The following BRINP3 variants were observed in gnomAD, a reference collection of about 807,000 sequenced individuals.
BRINP3 encodes BMP/retinoic acid-inducible neural-specific protein 3.
A neutral mutation model predicts 71.0 loss-of-function variants in BRINP3; 19 were observed. That is an observed-to-expected ratio of 0.27 (90% CI 0.19 to 0.39). The LOEUF is 0.39. Among genes scored for constraint, BRINP3 ranks in the 10% least tolerant of loss-of-function variants. The pLI, the probability that BRINP3 is intolerant of heterozygous loss-of-function variation, is 1.00. For synonymous variants in BRINP3, 380 were observed against 337.7 expected (o/e 1.13, Z -1.37); for missense variants, 959 against 940.8 (o/e 1.02, Z -0.25).
At chr1:190,138,020 G>T (rs1313756401) in intron 7 of BRINP3, among the ~76,000 whole-genome samples, 1 of 151,678 alleles carries the variant, frequency 6.6e-6, no homozygotes, top group Non-Finnish European at 1.5e-5. Context: ...AATGGCATGA[G>T]CTCGGCTCAC....
intron 3 of BRINP3, among the ~76,000 whole-genome samples, chr1:190,275,354 A>T (rs1325396088): frequency 6.6e-6 from 1 of 151,644 alleles, no homozygotes; most frequent in Non-Finnish European, 1.5e-5. Context: ...CAGATACTTT[A>T]AACAGTGTTG....
chr1:190,419,842 G>GA (rs1673253015), intron 2 of BRINP3, among the ~76,000 whole-genome samples: 2 of 148,726 alleles, frequency 1.3e-5, no homozygotes, highest in African/African-American at 4.9e-5. Context: ...TTAACTAGAA[G>GA]AAAAAAAGAA....
chr1:190,328,096 A>C (rs1038919579), intron 2 of BRINP3, among the ~76,000 whole-genome samples: 2 of 152,110 alleles, frequency 1.3e-5, no homozygotes, highest in Admixed American at 6.6e-5. Context: ...AAATGCCTAC[A>C]TCAAAAAGTT....
chr1:190,434,116 T>TTTTA (rs1000940670), intron 2 of BRINP3, among the ~76,000 whole-genome samples: 1 of 148,136 alleles, frequency 6.8e-6, no homozygotes, highest in Non-Finnish European at 1.5e-5. Context: ...ATTTATTTAT[T>TTTTA]TTTATTTATT....
At chr1:190,268,761 T>C (rs1302974735) in intron 3 of BRINP3, among the ~76,000 whole-genome samples, 1 of 152,026 alleles carries the variant, frequency 6.6e-6, no homozygotes, top group Non-Finnish European at 1.5e-5. Flanking sequence ...CACACGAATA[T>C]TATCTAAGCA....
intron 7 of BRINP3, among the ~76,000 whole-genome samples, chr1:190,100,201 TACAC>T (rs1396802886): frequency 3.3e-5 from 5 of 152,212 alleles, no homozygotes; most frequent in African/African-American, 1.2e-4. Context: ...TCACAGTAGA[TACAC>T]AACAATTCCA....
At chr1:190,179,363 C>T (rs1571922271) in intron 6 of BRINP3, among the ~76,000 whole-genome samples, 1 of 152,094 alleles carries the variant, frequency 6.6e-6, no homozygotes, top group East Asian at 1.9e-4. Context: ...TTGACAGTCA[C>T]ATGGGAAGTT....
chr1:190,136,120 T>C (rs1341929761), intron 7 of BRINP3, among the ~76,000 whole-genome samples: 2 of 152,036 alleles, frequency 1.3e-5, no homozygotes, highest in East Asian at 3.8e-4. Flanking sequence ...GATAAAAAAA[T>C]ATTTCATGAG....
intron 7 of BRINP3, among the ~76,000 whole-genome samples, chr1:190,123,120 A>G (rs1476796541): frequency 1.3e-5 from 2 of 152,134 alleles, no homozygotes; most frequent in Admixed American, 6.6e-5. Context: ...CACCTGTATA[A>G]TTGTTCGCCC....
intron 2 of BRINP3, among the ~76,000 whole-genome samples, chr1:190,398,073 T>C (rs1671692368): frequency 6.6e-6 from 1 of 151,964 alleles, no homozygotes; most frequent in South Asian, 2.1e-4. Context: ...GCTTTAAAAA[T>C]AACATATAAA....
chr1:190,211,151 T>C (rs1448142013), intron 6 of BRINP3, among the ~76,000 whole-genome samples: 1 of 152,036 alleles, frequency 6.6e-6, no homozygotes. Context: ...GACTTTACCT[T>C]GTGCTCATGT....
Position 190,454,902 on chromosome 1 carries a change from G to A in BRINP3, c.-12C>T. ...CTTCGCCATATCATGCTTCCACTGG[G>A]GATTTAGAGCCTTCATTCTCTCAGC... On this transcript the variant is annotated 5_prime_UTR_variant, in exon 2 of 8. Coordinates refer to ENST00000367462, the MANE Select transcript of BRINP3 (RefSeq NM_199051.3). The A allele has an allele frequency of 6.2e-7, 1 of 1,606,030 alleles. No homozygotes were observed. Among genetic ancestry groups the A allele is most frequent in the Non-Finnish European group, 8.5e-7 (1 of 1,173,208 alleles).
At chr1:190,156,124 T>C (rs1420520505) in intron 7 of BRINP3, among the ~76,000 whole-genome samples, 2 of 152,122 alleles carry the variant, frequency 1.3e-5, no homozygotes, top group Non-Finnish European at 2.9e-5. Context: ...TTATGTCGCA[T>C]GAATTCCTCA....
chr1:190,387,409 G>A (rs1041566978), intron 2 of BRINP3, among the ~76,000 whole-genome samples: 1 of 151,910 alleles, frequency 6.6e-6, no homozygotes, highest in African/African-American at 2.4e-5. Context: ...TAGAGTTATA[G>A]TGTGTTTATC....
At chr1:190,362,562 T>C (rs745535120) in intron 2 of BRINP3, among the ~76,000 whole-genome samples, 3 of 152,154 alleles carry the variant, frequency 2.0e-5, no homozygotes, top group Non-Finnish European at 4.4e-5. Context: ...GCCTCTAATG[T>C]GGTTTGGCTG....
rs935731834 is a variant in BRINP3, at chr1:190,226,870, T to C, written c.725-552A>G. ...TTCAAGAGTGAGTACCAAAAATAAC[T>C]ACAGGAATCAGATGGACTGATTTAG... On this transcript the variant is annotated intron_variant, in intron 5 of 7. Coordinates refer to ENST00000367462, the MANE Select transcript of BRINP3 (RefSeq NM_199051.3). Among the ~76,000 whole-genome samples, 20 of 152,030 alleles carry C rather than the reference T, an allele frequency of 1.3e-4. No individual in the cohort carries two copies. The East Asian group carries it at 3.9e-3, about 29-fold the overall frequency.
chr1:190,270,242 A>T (rs1416016190), intron 3 of BRINP3, among the ~76,000 whole-genome samples: 1 of 151,840 alleles, frequency 6.6e-6, no homozygotes, highest in Non-Finnish European at 1.5e-5. Context: ...ATAGATAGAA[A>T]TATGATATTT....
chr1:190,164,144 T>C (rs1478718313), intron 6 of BRINP3, among the ~76,000 whole-genome samples: 1 of 152,142 alleles, frequency 6.6e-6, no homozygotes, highest in East Asian at 1.9e-4. Context: ...TTTTTGCCCT[T>C]ACTAATAAAC....
At chr1:190,303,223 A>G (rs572429574) in intron 2 of BRINP3, among the ~76,000 whole-genome samples, 13 of 151,972 alleles carry the variant, frequency 8.6e-5, no homozygotes, top group African/African-American at 3.1e-4. Context: ...TTGTAGAAAC[A>G]GTAATGCTTT....
Sources: gnomAD v4.1 joint callset for allele counts (sites outside exome capture counted in the v4.1 genomes callset) on GRCh38, gnomAD v4.1.1 for gene constraint, MANE v1.5 for transcripts, NCBI Gene and HGNC (gene_info 2026-07-23, HGNC 2026-07-21) for gene names.